CGRRF1: variants seen among roughly 807,000 people sequenced by gnomAD.
The protein encoded by CGRRF1 is cell growth regulator with ring finger domain 1, also known as cell growth regulator with RING finger domain protein 1.
In CGRRF1, 32 loss-of-function variants were observed where a neutral mutation model predicts 37.2. The ratio of observed to expected loss-of-function variants is 0.86; its 90% CI spans 0.65 to 1.16. CGRRF1 has a LOEUF of 1.16. Ranked by LOEUF, CGRRF1 falls within the 50% of genes most tolerant of loss-of-function variation. CGRRF1 has a pLI of 0.00. For missense variants in CGRRF1, 391 were observed against 382.6 expected (o/e 1.02, Z -0.18); for synonymous variants, 141 against 140.3 (o/e 1.00, Z -0.04).
chr14:54,529,996 G>T, intron 2 of CGRRF1, 53 bp from the exon 3 acceptor site: 1 of 1,440,310 alleles, frequency 6.9e-7, no homozygotes, highest in Non-Finnish European at 9.7e-7. Context: ...CTGTATGATT[G>T]TATTAGAAGT....
Position 54,510,019 on chromosome 14 carries a change from G to C in CGRRF1, c.60G>C (p.Val20=), listed in dbSNP as rs1416379337. 1 of 1,613,936 alleles carries C rather than the reference G, an allele frequency of 6.2e-7. No homozygotes were observed. Among genetic ancestry groups the C allele is most frequent in the East Asian group, 2.2e-5 (1 of 44,874 alleles). The change falls in exon 1 of 6, where the codon GTG becomes GTC. Residue 20 remains valine, a synonymous_variant. Transcript: ENST00000216420. ...ACTCGCCGCTTTTCTACATCGCGGTGGTCTTTACCTGCTTCATCGTGACCA... is the reference window on the plus strand; with the variant it reads ...ACTCGCCGCTTTTCTACATCGCGGTCGTCTTTACCTGCTTCATCGTGACCA... ...YEYSPLFYIA[V]VFTCFIVTTG... is the part of the protein sequence containing the mutation.
intron 1 of CGRRF1, 154 bp downstream of exon 1, chr14:54,510,217 G>A (rs1437565799): frequency 1.9e-5 from 12 of 617,606 alleles, no homozygotes; most frequent in African/African-American, 3.7e-5. Flanking sequence ...TTCTCTGGGA[G>A]GAAAACAAGG....
intron 1 of CGRRF1, among the ~76,000 whole-genome samples, chr14:54,510,569 G>T (rs2032113049): frequency 6.6e-6 from 1 of 152,172 alleles, no homozygotes; most frequent in Non-Finnish European, 1.5e-5. Context: ...TACCGTTTGA[G>T]AATTTAATGG....
In CGRRF1 at chr14:54,509,908, G is replaced by T. The variant is rs1566504677; in HGVS notation, c.-52G>T. ...GGCCGGGCGGGCGGGGCTCAGCCGG[G>T]CTGGGCTGGGCTCCGCGGCTGGAGC... On this transcript the variant is annotated 5_prime_UTR_variant, in exon 1 of 6. Transcript: ENST00000216420. 2 of 1,399,178 alleles carry T rather than the reference G, an allele frequency of 1.4e-6. No individual in the cohort carries two copies. The highest frequency in any genetic ancestry group is 2.0e-6 in the Non-Finnish European group (2 of 986,124). The allele number at this position is 1,399,178 out of a possible 1,614,324, so 86.7% of individuals were successfully genotyped here. A position where few individuals can be genotyped will look rare whatever the true frequency, so the allele number is the denominator to read the frequency against.
chr14:54,524,851 T>C (rs982158635), intron 2 of CGRRF1, among the ~76,000 whole-genome samples: 9 of 152,138 alleles, frequency 5.9e-5, no homozygotes, highest in Non-Finnish European at 1.0e-4. Flanking sequence ...AACCAAATTT[T>C]GAGATATGAC....
chr14:54,532,417 C>G (rs924349208), intron 4 of CGRRF1, among the ~76,000 whole-genome samples: 3 of 152,064 alleles, frequency 2.0e-5, no homozygotes, highest in Non-Finnish European at 2.9e-5. Flanking sequence ...GTCTAGAGAT[C>G]TAATGTACAG....
intron 4 of CGRRF1, among the ~76,000 whole-genome samples, chr14:54,533,176 T>C (rs1210987424): frequency 6.6e-6 from 1 of 151,952 alleles, no homozygotes; most frequent in Admixed American, 6.6e-5. Flanking sequence ...ATATTTTATA[T>C]ATAAAGTTTA....
At chr14:54,519,589 G>C (rs1054691687) in intron 1 of CGRRF1, among the ~76,000 whole-genome samples, 6 of 151,990 alleles carry the variant, frequency 3.9e-5, no homozygotes, top group Non-Finnish European at 8.8e-5. Context: ...GCGTATTTTT[G>C]TATTGACCTA....
intron 2 of CGRRF1, among the ~76,000 whole-genome samples, chr14:54,527,752 G>A (rs1392038808): frequency 1.4e-5 from 2 of 145,652 alleles, no homozygotes; most frequent in Non-Finnish European, 3.0e-5. Context: ...TCCTTCCATT[G>A]TTCTTTTTTT....
intron 4 of CGRRF1, chr14:54,536,233 C>T (rs1438430579): frequency 1.3e-5 from 2 of 151,936 alleles, no homozygotes; most frequent in Admixed American, 6.6e-5. Flanking sequence ...AATCACTGCA[C>T]ACCAGTTTGC....
intron 4 of CGRRF1, among the ~76,000 whole-genome samples, chr14:54,535,804 C>T (rs1566513781): frequency 6.6e-6 from 1 of 152,178 alleles, no homozygotes; most frequent in Non-Finnish European, 1.5e-5. Context: ...CTACAACAAG[C>T]AAGAGACTTC....
intron 1 of CGRRF1, among the ~76,000 whole-genome samples, chr14:54,516,158 C>A (rs148046349): frequency 6.6e-6 from 1 of 152,080 alleles, no homozygotes; most frequent in Admixed American, 6.6e-5. Flanking sequence ...TAATGTATCT[C>A]TAACTTATCA....
At chr14:54,536,119 C>T (rs997128023) in intron 4 of CGRRF1, 1 of 152,214 alleles carries the variant, frequency 6.6e-6, no homozygotes, top group African/African-American at 2.4e-5. Flanking sequence ...GATTTTTCCT[C>T]CCTGTTTTTT....
intron 1 of CGRRF1, among the ~76,000 whole-genome samples, chr14:54,516,042 T>C (rs2032210261): frequency 6.6e-6 from 1 of 152,194 alleles, no homozygotes; most frequent in Admixed American, 6.5e-5. Flanking sequence ...TTTTTCCCCT[T>C]TGTTCAGCCA....
chr14:54,536,650 CT>C (rs1418828358), intron 4 of CGRRF1: 1 of 151,952 alleles, frequency 6.6e-6, no homozygotes, highest in Non-Finnish European at 1.5e-5. Flanking sequence ...ATGTTTATAT[CT>C]TTTTATGAAT....
At chr14:54,529,253 A>G (rs1176331891) in intron 2 of CGRRF1, among the ~76,000 whole-genome samples, 1 of 152,208 alleles carries the variant, frequency 6.6e-6, no homozygotes, top group Non-Finnish European at 1.5e-5. Flanking sequence ...GCTACCCTTG[A>G]ATGTGATATT....
At chr14:54,515,413 T>C (rs1036874121) in intron 1 of CGRRF1, among the ~76,000 whole-genome samples, 3 of 152,094 alleles carry the variant, frequency 2.0e-5, no homozygotes, top group African/African-American at 7.2e-5. Flanking sequence ...TTTATAAGTG[T>C]CAATTAAGTC....
intron 1 of CGRRF1, among the ~76,000 whole-genome samples, chr14:54,521,523 G>T (rs752127995): frequency 6.0e-5 from 9 of 150,592 alleles, no homozygotes; most frequent in Non-Finnish European, 1.0e-4. Context: ...TTTCTTTTGA[G>T]AGACGAAATC....
Position 54,522,513 on chromosome 14 carries a change from G to C in CGRRF1, c.164G>C (p.Arg55Thr), listed in dbSNP as rs754178720. 2 of 1,609,518 alleles carry C rather than the reference G, an allele frequency of 1.2e-6. No homozygotes were observed. The highest frequency in any genetic ancestry group is 2.7e-5 in the African/African-American group (2 of 74,750). ...RNSEETQFST[R>T]VFKKQMRQVK... is the part of the protein sequence containing the mutation. The stretch of plus-strand genomic sequence containing the variant: ...TCAGAAGAGACCCAGTTCAGCACAA[G>C]AGTTTTCAAAAAGCAAATGAGACAA... The change falls in exon 2 of 6, where the codon AGA becomes ACA. Residue 55 changes from arginine (R) to threonine (T), a missense_variant. By Grantham distance (71) the Arg-to-Thr change is moderately conservative. Transcript: ENST00000216420.
Sources: gnomAD v4.1 joint callset for allele counts (sites outside exome capture counted in the v4.1 genomes callset) on GRCh38, gnomAD v4.1.1 for gene constraint, MANE v1.5 for transcripts, NCBI Gene and HGNC (gene_info 2026-07-23, HGNC 2026-07-21) for gene names.